Variants in PEPD observed in about 807,000 individuals in gnomAD.
PEPD encodes peptidase D.
In PEPD, 53 loss-of-function variants were observed where a neutral mutation model predicts 60.7. That is an observed-to-expected ratio of 0.87 (90% CI 0.70 to 1.10). The LOEUF (loss-of-function observed/expected upper bound fraction) is 1.10, where lower values mean the gene tolerates loss of function less well. Among genes scored for constraint, PEPD ranks in the 50% least tolerant of loss-of-function variants. The pLI is 0.00. For synonymous variants in PEPD, 267 were observed against 284.1 expected (o/e 0.94, Z 0.60); for missense variants, 711 against 711.9 (o/e 1.00, Z 0.01).
intron 9 of PEPD, among the ~76,000 whole-genome samples, chr19:33,442,410 A>C (rs1969496700): frequency 6.6e-6 from 1 of 151,368 alleles, no homozygotes; most frequent in Non-Finnish European, 1.5e-5. Flanking sequence ...CTGTCTCAAA[A>C]AAAAAAAAGC....
intron 12 of PEPD, 58 bp downstream of exon 12, chr19:33,401,663 A>G: frequency 1.3e-6 from 2 of 1,525,374 alleles, no homozygotes; most frequent in Non-Finnish European, 1.8e-6. Context: ...CACCTGCCAC[A>G]TAGCAGCGCC....
intron 11 of PEPD, among the ~76,000 whole-genome samples, chr19:33,408,256 T>A (rs1968682629): frequency 6.6e-6 from 1 of 152,220 alleles, no homozygotes; most frequent in South Asian, 2.1e-4. Context: ...GAGCTCTGCC[T>A]GTGGCTCCCA....
At chr19:33,448,387 A>C (rs1600123749) in intron 9 of PEPD, among the ~76,000 whole-genome samples, 1 of 151,022 alleles carries the variant, frequency 6.6e-6, no homozygotes. Context: ...CCAGCTAAAC[A>C]CCCTCCCATC....
At chr19:33,477,651 C>G (rs1432012640) in intron 7 of PEPD, among the ~76,000 whole-genome samples, 2 of 152,188 alleles carry the variant, frequency 1.3e-5, no homozygotes, top group Non-Finnish European at 2.9e-5. Context: ...CAGAAGAATG[C>G]GTAGAACAGA....
intron 13 of PEPD, 131 bp from the exon 14 acceptor site, chr19:33,388,212 G>T: frequency 1.3e-6 from 1 of 786,822 alleles, no homozygotes; most frequent in Non-Finnish European, 2.2e-6. Context: ...CCTCAGCCTA[G>T]ACTCGCCCCT....
At chr19:33,430,188 C>T (rs1018008573) in intron 9 of PEPD, among the ~76,000 whole-genome samples, 2 of 152,224 alleles carry the variant, frequency 1.3e-5, no homozygotes, top group Admixed American at 6.5e-5. Flanking sequence ...GACATGGTAT[C>T]TGCTCACCAG....
chr19:33,500,553 G>A (rs1053333456), intron 4 of PEPD, among the ~76,000 whole-genome samples: 2 of 152,196 alleles, frequency 1.3e-5, no homozygotes, highest in African/African-American at 2.4e-5. Flanking sequence ...TTCTGACAGT[G>A]GCATCTGCAG....
Position 33,391,366 on chromosome 19 carries a change from C to T in PEPD, c.1081G>A (p.Ala361Thr), listed in dbSNP as rs1600074837. The T allele has an allele frequency of 4.4e-6, 7 of 1,608,926 alleles. No individual in the cohort carries two copies. The highest frequency in any genetic ancestry group is 5.9e-6 in the Non-Finnish European group (7 of 1,178,016). The change falls in exon 13 of 15, where the codon GCC becomes ACC. Residue 361 changes from alanine (A) to threonine (T), a missense_variant. Ala to Thr is a moderately conservative substitution (Grantham distance 58, BLOSUM62 0). Transcript: ENST00000244137. ...CCAAGCCCGTGAGGCATAAACACGG[C>T]CCCCAGGTGAGCCTGGACCATGGCG... ...VDAMVQAHLG[A>T]VFMPHGLGHF...
intron 4 of PEPD, among the ~76,000 whole-genome samples, chr19:33,495,700 C>T (rs563556680): frequency 1.3e-5 from 2 of 151,356 alleles, no homozygotes; most frequent in South Asian, 2.1e-4. Flanking sequence ...AAACAAAAGG[C>T]TCAGCTGGGT....
At chr19:33,498,179 T>TA (rs1432535886) in intron 4 of PEPD, among the ~76,000 whole-genome samples, 1 of 152,000 alleles carries the variant, frequency 6.6e-6, no homozygotes, top group African/African-American at 2.4e-5. Flanking sequence ...TTGTTCCCAG[T>TA]AAAAACAGCA....
At chr19:33,438,505 C>A (rs1331386593) in intron 9 of PEPD, among the ~76,000 whole-genome samples, 2 of 152,258 alleles carry the variant, frequency 1.3e-5, no homozygotes, top group South Asian at 4.1e-4. Flanking sequence ...GCACTCTATG[C>A]CCCCAGTCTT....
At position 33,391,347 on chromosome 19, in the gene PEPD, C is replaced by T; in HGVS notation, c.1100G>A (p.Gly367Glu). The T allele has an allele frequency of 1.2e-6, 2 of 1,611,422 alleles. No homozygotes were observed. Among genetic ancestry groups the T allele is most frequent in the Non-Finnish European group, 1.7e-6 (2 of 1,179,276 alleles). Reference protein sequence around the residue: ...AHLGAVFMPHGLGHFLGIDVH... With the variant: ...AHLGAVFMPHELGHFLGIDVH... ...GTCAATGCCCAGGAAGTGGCCAAGC[C>T]CGTGAGGCATAAACACGGCCCCCAG... Residue 367 changes from glycine to glutamate, a missense_variant, in exon 13 of 15, where the codon GGG becomes GAG. Coordinates refer to ENST00000244137, the MANE Select transcript of PEPD (RefSeq NM_000285.4).
At chr19:33,491,387 C>T (rs756811716) in intron 5 of PEPD, among the ~76,000 whole-genome samples, 1 of 152,112 alleles carries the variant, frequency 6.6e-6, no homozygotes, top group African/African-American at 2.4e-5. Flanking sequence ...GAGGTGGAGG[C>T]TGCGGTGAGC....
intron 7 of PEPD, among the ~76,000 whole-genome samples, chr19:33,472,674 T>G (rs1413841538): frequency 2.0e-5 from 3 of 152,172 alleles, no homozygotes; most frequent in African/African-American, 7.2e-5. Flanking sequence ...ATCTAAACAC[T>G]CCACTGATTA....
At chr19:33,419,552 C>T (rs1234933092) in intron 9 of PEPD, among the ~76,000 whole-genome samples, 1 of 152,194 alleles carries the variant, frequency 6.6e-6, no homozygotes, top group African/African-American at 2.4e-5. Flanking sequence ...CACGCAGGGT[C>T]TCCGACTGCA....
intron 6 of PEPD, among the ~76,000 whole-genome samples, chr19:33,483,885 A>C (rs887611338): frequency 6.6e-6 from 1 of 152,108 alleles, no homozygotes; most frequent in Non-Finnish European, 1.5e-5. Context: ...AGCACACACA[A>C]GCACACGCAG....
chr19:33,398,023 G>A (rs1162951952), intron 12 of PEPD, among the ~76,000 whole-genome samples: 3 of 152,216 alleles, frequency 2.0e-5, no homozygotes, highest in Non-Finnish European at 4.4e-5. Context: ...CTGCAGGTGA[G>A]GCCAGCCAGG....
chr19:33,390,148 C>T (rs555149861), intron 13 of PEPD, among the ~76,000 whole-genome samples: 299 of 152,344 alleles, frequency 2.0e-3, no homozygotes, highest in Non-Finnish European at 3.4e-3. Flanking sequence ...CATATTTTTT[C>T]CACAATGTTT....
chr19:33,496,645 G>C lies in PEPD; in HGVS notation c.394-3308C>G, dbSNP rs566201806. On this transcript the variant is annotated intron_variant, in intron 4 of 14. Transcript: ENST00000244137. ...CACGGCTCTGTCAACTCAGGGCCTCGTTTCCACGGAGTGGTGGCCACTGGG... is the reference window on the plus strand; with the variant it reads ...CACGGCTCTGTCAACTCAGGGCCTCCTTTCCACGGAGTGGTGGCCACTGGG... Among the ~76,000 whole-genome samples the C allele has an allele frequency of 1.8e-3, 277 of 152,134 alleles. 2 individuals are homozygous for C. The highest frequency in any genetic ancestry group is 3.1e-3 in the Non-Finnish European group (212 of 68,036).
Sources: allele counts gnomAD v4.1 joint callset (sites outside exome capture counted in the v4.1 genomes callset), GRCh38; gene constraint gnomAD v4.1.1; transcripts MANE v1.5; gene names NCBI Gene and HGNC (gene_info 2026-07-23, HGNC 2026-07-21).